The following PARVB variants were observed in gnomAD, a reference collection of about 807,000 sequenced individuals.
PARVB encodes beta-parvin.
In PARVB, 46 loss-of-function variants were observed where a neutral mutation model predicts 47.0. The observed-to-expected ratio is 0.98, with a 90% CI of 0.77 to 1.25. PARVB has a LOEUF of 1.25. PARVB is among the 50% of genes most tolerant of loss of function. PARVB has a pLI of 0.00. For synonymous variants in PARVB, 196 were observed against 196.3 expected (o/e 1.00, Z 0.01); for missense variants, 473 against 471.6 (o/e 1.00, Z -0.03).
Position 44,168,623 on chromosome 22 carries a change from A to G in PARVB, c.1040A>G (p.Lys347Arg), listed in dbSNP as rs761574337. ...GCAGACGTGGTTAACTTGGACCTCA[A>G]ATCCACCCTGAGGGTTCTTTACAAC... ...RPEDVVNLDLKSTLRVLYNLF... is the reference protein window; with the variant it reads ...RPEDVVNLDLRSTLRVLYNLF... Residue 347 changes from lysine to arginine, a missense_variant, in exon 13 of 13, where the codon AAA becomes AGA. Coordinates refer to ENST00000338758, the MANE Select transcript of PARVB (RefSeq NM_013327.5). 6 of 1,613,092 alleles carry G rather than the reference A, an allele frequency of 3.7e-6. No homozygotes were observed. In the African/African-American group the frequency reaches 8.0e-5, roughly 22 times the overall value.
At position 44,170,333 on chromosome 22, in the gene PARVB, A is replaced by G. The variant is rs1341721099; in HGVS notation, c.*1655A>G. 1 of 152,052 alleles carries G rather than the reference A, an allele frequency of 6.6e-6. No individual in the cohort carries two copies. Among genetic ancestry groups the G allele is most frequent in the African/African-American group, 2.4e-5 (1 of 41,404 alleles). The allele number at this position is 152,052 out of a possible 1,614,324, so 9.4% of individuals were successfully genotyped here. A position where few individuals can be genotyped will look rare whatever the true frequency, so the allele number is the denominator to read the frequency against. Reference sequence around the variant, plus strand: ...CTCTTTTTAGAAGGGCTGCGGTCCTATTGGATTAGGGCCCACTTATATGAC... The same window carrying G: ...CTCTTTTTAGAAGGGCTGCGGTCCTGTTGGATTAGGGCCCACTTATATGAC... On this transcript the variant is annotated 3_prime_UTR_variant, in exon 13 of 13. Coordinates refer to ENST00000338758, the MANE Select transcript of PARVB (RefSeq NM_013327.5).
chr22:44,072,030 A>G (rs130314), intron 1 of PARVB, among the ~76,000 whole-genome samples: 122,601 of 151,752 alleles, frequency 0.81, 49,640 homozygotes, highest in East Asian at 0.89. Context: ...GAGACCATGA[A>G]AACGTTTGAA....
chr22:44,070,742 G>T (rs2051635331), intron 1 of PARVB, among the ~76,000 whole-genome samples: 1 of 152,220 alleles, frequency 6.6e-6, no homozygotes, highest in East Asian at 1.9e-4. Flanking sequence ...TGCTTTTCCT[G>T]CACAGTGCTG....
At chr22:44,091,467 A>G (rs2147037651) in intron 1 of PARVB, among the ~76,000 whole-genome samples, 1 of 151,976 alleles carries the variant, frequency 6.6e-6, no homozygotes, top group East Asian at 1.9e-4. Context: ...ATCATTCAAC[A>G]CTACCTCTCT....
At chr22:44,110,137 A>G (rs1362494301) in intron 3 of PARVB, 1 of 149,022 alleles carries the variant, frequency 6.7e-6, no homozygotes, top group Non-Finnish European at 1.5e-5. Flanking sequence ...AAAAAAAAAA[A>G]AAAAAGAAAG....
intron 2 of PARVB, among the ~76,000 whole-genome samples, chr22:44,010,998 T>G (rs2050516540): frequency 6.6e-6 from 1 of 151,784 alleles, no homozygotes; most frequent in Non-Finnish European, 1.5e-5. Context: ...TTCACGTCAT[T>G]CTCCTGCCTC....
intron 4 of PARVB, among the ~76,000 whole-genome samples, chr22:44,130,966 C>T (rs1476205610): frequency 6.0e-5 from 9 of 149,686 alleles, no homozygotes; most frequent in African/African-American, 1.2e-4. Flanking sequence ...TAACCTGCCC[C>T]GCTTCGGGGA....
At chr22:44,085,755 C>G (rs772876229) in intron 1 of PARVB, among the ~76,000 whole-genome samples, 2 of 152,236 alleles carry the variant, frequency 1.3e-5, no homozygotes, top group African/African-American at 4.8e-5. Flanking sequence ...CTCGGCTACA[C>G]GCAGACTCTC....
chr22:44,050,347 C>CTTT (rs764974368), intron 1 of PARVB, among the ~76,000 whole-genome samples: 7 of 143,624 alleles, frequency 4.9e-5, no homozygotes, highest in African/African-American at 1.3e-4. Flanking sequence ...CCCTTTCGGC[C>CTTT]TTTTTTTTTT....
intron 2 of PARVB, among the ~76,000 whole-genome samples, chr22:44,016,875 TTTTA>T (rs2050588776): frequency 6.6e-6 from 1 of 152,096 alleles, no homozygotes; most frequent in African/African-American, 2.4e-5. Context: ...CCCCATTTTA[TTTTA>T]TTTTATTTTT....
upstream of PARVB, among the ~76,000 whole-genome samples, chr22:44,019,960 A>G (rs2050628997): frequency 6.6e-6 from 1 of 152,068 alleles, no homozygotes; most frequent in Non-Finnish European, 1.5e-5. Flanking sequence ...GGAAAAATCA[A>G]ACTGCCTTTC....
At chr22:44,028,775 C>A (rs1467321057) in intron 1 of PARVB, among the ~76,000 whole-genome samples, 1 of 152,188 alleles carries the variant, frequency 6.6e-6, no homozygotes, top group Admixed American at 6.5e-5. Context: ...GTCCTGGCTG[C>A]TCTGCATCCT....
At chr22:44,062,836 C>T (rs2051445070) in intron 1 of PARVB, among the ~76,000 whole-genome samples, 3 of 152,164 alleles carry the variant, frequency 2.0e-5, no homozygotes, top group Admixed American at 2.0e-4. Flanking sequence ...TGTTTACCCA[C>T]CCGGAAGCTC....
chr22:44,133,876 G>T (rs1221874970), intron 6 of PARVB, among the ~76,000 whole-genome samples: 1 of 152,238 alleles, frequency 6.6e-6, no homozygotes, highest in Non-Finnish European at 1.5e-5. Flanking sequence ...GCTGCCTAGG[G>T]TTCGTGTGTG....
chr22:44,088,787 A>G lies in PARVB; in HGVS notation c.113-5141A>G, dbSNP rs76341549. Among the ~76,000 whole-genome samples, 899 of 152,246 alleles carry G rather than the reference A, an allele frequency of 5.9e-3. 10 individuals are homozygous for G. Among genetic ancestry groups the G allele is most frequent in the African/African-American group, 0.02 (816 of 41,548 alleles). ...GTGCCCGGCCTCCCTCAGACTTGTT[A>G]GGAGACAAGGTGAATGGCTGGCATG... On this transcript the variant is annotated intron_variant, in intron 1 of 12. Coordinates refer to ENST00000338758, the MANE Select transcript of PARVB (RefSeq NM_013327.5).
intron 4 of PARVB, among the ~76,000 whole-genome samples, chr22:44,126,675 C>T (rs570947520): frequency 1.2e-4 from 19 of 152,218 alleles, no homozygotes; most frequent in African/African-American, 4.1e-4. Flanking sequence ...TTGAAGCAGT[C>T]CCCCCAATTG....
At position 44,165,255 on chromosome 22, in the gene PARVB, C is replaced by T. The variant is rs768040964; in HGVS notation, c.1018+1325C>T. 4.6e-5 allele frequency among the ~76,000 whole-genome samples: 7 copies of T among 152,212 alleles called. No homozygotes were observed. The South Asian group carries it at 6.2e-4, about 14-fold the overall frequency. ...TCAAGCGATTCGCCCATTACAGGCA[C>T]GAGCCCCCATGCCTGGCCTTGTTTA... On this transcript the variant is annotated intron_variant, in intron 12 of 12. Coordinates refer to ENST00000338758, the MANE Select transcript of PARVB (RefSeq NM_013327.5).
intron 2 of PARVB, among the ~76,000 whole-genome samples, chr22:44,015,897 T>G (rs2050571544): frequency 1.3e-5 from 2 of 152,088 alleles, no homozygotes; most frequent in Admixed American, 1.3e-4. Flanking sequence ...TACACCTAGC[T>G]CTAACCAGTT....
At position 44,131,610 on chromosome 22, in the gene PARVB, T is replaced by C. The variant is rs1279920298; in HGVS notation, c.500T>C (p.Leu167Pro). The C allele has an allele frequency of 1.2e-6, 2 of 1,613,318 alleles. No homozygotes were observed. The highest frequency in any genetic ancestry group is 1.7e-6 in the Non-Finnish European group (2 of 1,179,828). ...CTGCTGCGGCCCCGAGGCTGGGCGC[T>C]CCGGTGGAGCGTGGACTGTGAGTTC... is the stretch of plus-strand genomic sequence containing the variant. ...HDLLRPRGWA[L>P]RWSVDSIHGK... Residue 167 changes from leucine (L) to proline (P), a missense_variant, in exon 5 of 13, where the codon CTC becomes CCC. Physicochemically the swap from Leu to Pro is moderately conservative, Grantham distance 98. Coordinates refer to ENST00000338758, the MANE Select transcript of PARVB (RefSeq NM_013327.5).
Sources: gnomAD v4.1 joint callset for allele counts (sites outside exome capture counted in the v4.1 genomes callset) on GRCh38, gnomAD v4.1.1 for gene constraint, MANE v1.5 for transcripts, NCBI Gene and HGNC (gene_info 2026-07-23, HGNC 2026-07-21) for gene names.